PTPRD: variants seen among roughly 807,000 people sequenced by gnomAD.
The protein encoded by PTPRD is receptor-type tyrosine-protein phosphatase delta.
PTPRD carries 34 observed loss-of-function variants against 214.5 expected under a neutral mutation model. The observed-to-expected ratio is 0.16, with a 90% CI of 0.12 to 0.21. The LOEUF is 0.21. Among genes scored for constraint, PTPRD ranks in the 10% least tolerant of loss-of-function variants. The probability of loss-of-function intolerance (pLI) is 1.00; values close to 1 mark genes in which losing one functional copy is unlikely to be tolerated. For missense variants in PTPRD, 2,545 were observed against 2,398.7 expected (o/e 1.06, Z -1.27); for synonymous variants, 1,128 against 845.7 (o/e 1.33, Z -5.79).
In PTPRD at chr9:9,959,620, A is replaced by G. The variant is rs115084339; in HGVS notation, c.-471-21010T>C. On this transcript the variant is annotated intron_variant, in intron 4 of 45. Transcript: ENST00000381196. ...ATGAGGTAGAAAGGTGCTGACCTAA[A>G]TAACTTTGAAAATAAGTCAAGTCTA... 4.5e-3 allele frequency among the ~76,000 whole-genome samples: 688 copies of G among 152,318 alleles called. 5 individuals are homozygous for G. The highest frequency in any genetic ancestry group is 0.015 in the African/African-American group (637 of 41,582).
chr9:10,024,387 G>A (rs1278881245), intron 4 of PTPRD, among the ~76,000 whole-genome samples: 1 of 152,084 alleles, frequency 6.6e-6, no homozygotes, highest in Admixed American at 6.5e-5. Context: ...CTGGTGTCTT[G>A]AGAAAATGGA....
chr9:8,667,144 G>A (rs1596442278), intron 12 of PTPRD, among the ~76,000 whole-genome samples: 1 of 152,174 alleles, frequency 6.6e-6, no homozygotes, highest in South Asian at 2.1e-4. Flanking sequence ...TTCAAGACCA[G>A]CCTGGCCAAC....
chr9:9,233,804 T>A (rs1052411274), intron 9 of PTPRD, among the ~76,000 whole-genome samples: 2 of 152,212 alleles, frequency 1.3e-5, no homozygotes, highest in African/African-American at 4.8e-5. Flanking sequence ...ATCCAGTTCA[T>A]GCTGATGCAT....
At chr9:8,860,443 C>T (rs1586801904) in intron 11 of PTPRD, 2 of 152,208 alleles carry the variant, frequency 1.3e-5, no homozygotes, top group African/African-American at 4.8e-5. Context: ...AAACATCAAA[C>T]ATCTTAGAGA....
Position 10,010,514 on chromosome 9 carries a change from T to C in PTPRD, c.-472+23204A>G, listed in dbSNP as rs1389766585. ...AATGAGGGAGGACTTATTCAGGTAT[T>C]GATGAGTTCCATAGGATGAGTTCCA... On this transcript the variant is annotated intron_variant, in intron 4 of 45. Transcript: ENST00000381196. 2.0e-5 allele frequency among the ~76,000 whole-genome samples: 3 copies of C among 151,720 alleles called. No homozygotes were observed. In the East Asian group the frequency reaches 5.8e-4, roughly 29 times the overall value.
At chr9:9,283,938 T>C (rs1178423164) in intron 9 of PTPRD, among the ~76,000 whole-genome samples, 2 of 151,678 alleles carry the variant, frequency 1.3e-5, no homozygotes, top group Non-Finnish European at 3.0e-5. Context: ...CAATCTTTCT[T>C]AGGTTTTGTG....
Position 9,425,583 on chromosome 9 carries a change from G to A in PTPRD, c.-236-28101C>T, listed in dbSNP as rs545023159. 6.8e-3 allele frequency among the ~76,000 whole-genome samples: 236 copies of A among 34,826 alleles called. 1 individual carries two copies. The highest frequency in any genetic ancestry group is 0.026 in the African/African-American group (215 of 8,368). The allele number at this position is 34,826 out of a possible 152,430, so 22.8% of individuals were successfully genotyped here. A position where few individuals can be genotyped will look rare whatever the true frequency, so the allele number is the denominator to read the frequency against. ...ATACATCAGAATAGACAGTTCACAGGCTGACACAATGTGGAAAGCAGCGTA... is the reference window on the plus strand; with the variant it reads ...ATACATCAGAATAGACAGTTCACAGACTGACACAATGTGGAAAGCAGCGTA... On this transcript the variant is annotated intron_variant, in intron 8 of 45. Transcript: ENST00000381196.
At chr9:10,099,786 C>A (rs2098533264) in intron 3 of PTPRD, among the ~76,000 whole-genome samples, 2 of 150,918 alleles carry the variant, frequency 1.3e-5, no homozygotes, top group South Asian at 4.2e-4. Flanking sequence ...TTCAAGTTTA[C>A]TAAATCCTGA....
intron 3 of PTPRD, among the ~76,000 whole-genome samples, chr9:10,041,088 T>C (rs960364976): frequency 3.3e-5 from 5 of 152,058 alleles, no homozygotes; most frequent in African/African-American, 1.2e-4. Context: ...TAAAAGCATA[T>C]GCTTTCTCTA....
chr9:8,958,022 A>T (rs1316695340), intron 11 of PTPRD, among the ~76,000 whole-genome samples: 1 of 151,916 alleles, frequency 6.6e-6, no homozygotes, highest in Non-Finnish European at 1.5e-5. Flanking sequence ...ACCATTAGTT[A>T]CATGCTCCTT....
intron 2 of PTPRD, among the ~76,000 whole-genome samples, chr9:10,364,602 T>C (rs1308111409): frequency 3.3e-5 from 5 of 149,306 alleles, no homozygotes; most frequent in Admixed American, 3.3e-4. Flanking sequence ...TCTATCCAAC[T>C]ATATCTTTAA....
intron 3 of PTPRD, among the ~76,000 whole-genome samples, chr9:10,098,455 G>T (rs1422335492): frequency 2.6e-5 from 4 of 151,202 alleles, no homozygotes; most frequent in African/African-American, 4.9e-5. Context: ...TAACAAACCT[G>T]CACGTTGTGC....
chr9:9,235,487 C>G lies in PTPRD; in HGVS notation c.-202-52124G>C, dbSNP rs146456476. On this transcript the variant is annotated intron_variant, in intron 9 of 45. Transcript: ENST00000381196. ...ACAGTTTTTCTTTGTGTCTTTCAGCCTTCATTCTGAAGGCTCTCATGTTAT... is the reference window on the plus strand; with the variant it reads ...ACAGTTTTTCTTTGTGTCTTTCAGCGTTCATTCTGAAGGCTCTCATGTTAT... Among the ~76,000 whole-genome samples the G allele has an allele frequency of 5.3e-4, 80 of 152,214 alleles. No individual in the cohort carries two copies. The East Asian group carries it at 0.015, about 29-fold the overall frequency.
chr9:9,731,585 A>G (rs2098193849), intron 7 of PTPRD, among the ~76,000 whole-genome samples: 1 of 152,010 alleles, frequency 6.6e-6, no homozygotes, highest in South Asian at 2.1e-4. Context: ...CATTAGGTAT[A>G]TCTCCTAATG....
intron 9 of PTPRD, among the ~76,000 whole-genome samples, chr9:9,333,727 C>G (rs1232398199): frequency 6.6e-6 from 1 of 151,232 alleles, no homozygotes; most frequent in Non-Finnish European, 1.5e-5. Flanking sequence ...CAATATTAAC[C>G]AATAATTTAT....
chr9:8,689,864 T>C (rs1263443653), intron 12 of PTPRD, among the ~76,000 whole-genome samples: 1 of 152,140 alleles, frequency 6.6e-6, no homozygotes, highest in African/African-American at 2.4e-5. Flanking sequence ...TCCCAGCACT[T>C]TGGAAGGCAA....
chr9:10,231,414 C>A (rs1182403546), intron 3 of PTPRD, among the ~76,000 whole-genome samples: 1 of 151,772 alleles, frequency 6.6e-6, no homozygotes, highest in African/African-American at 2.4e-5. Context: ...TACCTAAAAA[C>A]CAGTCAAGCT....
chr9:9,716,376 G>C (rs1346530915), intron 7 of PTPRD, among the ~76,000 whole-genome samples: 1 of 151,532 alleles, frequency 6.6e-6, no homozygotes, highest in African/African-American at 2.4e-5. Flanking sequence ...CCCAGTAATG[G>C]GATGGCTGGG....
At chr9:10,472,353 T>G (rs1045588672) in intron 2 of PTPRD, among the ~76,000 whole-genome samples, 3 of 152,184 alleles carry the variant, frequency 2.0e-5, no homozygotes, top group African/African-American at 7.2e-5. Flanking sequence ...ATTCAATATT[T>G]GTTAAGTTTC....
Sources: allele counts gnomAD v4.1 joint callset (sites outside exome capture counted in the v4.1 genomes callset), GRCh38; gene constraint gnomAD v4.1.1; transcripts MANE v1.5; gene names NCBI Gene and HGNC (gene_info 2026-07-23, HGNC 2026-07-21).